Variants in CLCN4 observed in about 807,000 individuals in gnomAD.
The protein encoded by CLCN4 is H(+)/Cl(-) exchange transporter 4.
In CLCN4, 1 loss-of-function variant was observed where a neutral mutation model predicts 41.7. The ratio of observed to expected loss-of-function variants is 0.02; its 90% CI spans 0.01 to 0.11. The LOEUF (loss-of-function observed/expected upper bound fraction) is 0.11, where lower values mean the gene tolerates loss of function less well. CLCN4 is among the 10% of genes least tolerant of loss of function. The probability of loss-of-function intolerance (pLI) is 1.00; values close to 1 mark genes in which losing one functional copy is unlikely to be tolerated. For synonymous variants in CLCN4, 277 were observed against 285.8 expected (o/e 0.97, Z 0.31); for missense variants, 287 against 661.0 (o/e 0.43, Z 6.20).
intron 12 of CLCN4, among the ~76,000 whole-genome samples, chrX:10,222,101 G>C (rs2239431): frequency 0.42 from 46,472 of 111,916 alleles, 7,147 homozygotes; most frequent in East Asian, 0.89. Flanking sequence ...CATGATTGGA[G>C]AATGGAGAGA....
At chrX:10,211,265 CAAAAAAAAA>C (rs71774120) in intron 9 of CLCN4, among the ~76,000 whole-genome samples, 1 of 48,808 alleles carries the variant, frequency 2.0e-5, no homozygotes, top group Admixed American at 3.6e-4. Context: ...GATTCCGTCT[CAAAAAAAAA>C]AAAAAAAAAA....
chrX:10,211,815 C>G (rs924292302), intron 9 of CLCN4, among the ~76,000 whole-genome samples: 1 of 112,204 alleles, frequency 8.9e-6, no homozygotes, highest in Non-Finnish European at 1.9e-5. Flanking sequence ...ACCAAGATCT[C>G]TTAGTTTACA....
rs2106801 is a variant in CLCN4 at position 10,194,954 on chromosome X, G to A, written c.288G>A (p.Thr96=). Residue 96 remains threonine (T), a synonymous_variant, in exon 5 of 13, where the codon ACG becomes ACA. Transcript: ENST00000380833. ...GVIDLAVDWM[T]DLKEGVCLSA... Reference sequence around the variant, plus strand: ...TCGATCTCGCCGTGGACTGGATGACGGACCTGAAGGAGGGGGTCTGCCTGT... The same window carrying A: ...TCGATCTCGCCGTGGACTGGATGACAGACCTGAAGGAGGGGGTCTGCCTGT... The A allele has an allele frequency of 1.4e-3, 1,696 of 1,209,488 alleles. 10 individuals carry two copies. The African/African-American group carries it at 0.026, about 19-fold the overall frequency.
At position 10,220,656 on chromosome X, in the gene CLCN4, T is replaced by C; in HGVS notation, c.1976-5T>C. On this transcript the variant is annotated splice_region_variant and splice_polypyrimidine_tract_variant and intron_variant, in intron 11 of 12. Transcript: ENST00000380833. ...GGCTCATTGTTCCTGCTCACCCCAT[T>C]CTAGAGAACGCCAGACAGAGGCAGG... is the stretch of plus-strand genomic sequence containing the variant. 8.3e-7 allele frequency: 1 copy of C among 1,206,348 alleles called. No homozygotes were observed. Among genetic ancestry groups the C allele is most frequent in the Middle Eastern group, 2.3e-4 (1 of 4,346 alleles).
chrX:10,219,800 G>A (rs1184455974), intron 11 of CLCN4, among the ~76,000 whole-genome samples: 2 of 112,423 alleles, frequency 1.8e-5, no homozygotes, highest in East Asian at 5.6e-4. Context: ...TGAACCAAAA[G>A]AAAGATTAAA....
chrX:10,169,728 T>C lies in CLCN4; in HGVS notation c.-12+11177T>C, dbSNP rs956168028. Among the ~76,000 whole-genome samples, 9 of 111,008 alleles carry C rather than the reference T, an allele frequency of 8.1e-5. No homozygotes were observed. The East Asian group carries it at 8.4e-4, about 10-fold the overall frequency. On this transcript the variant is annotated intron_variant, in intron 2 of 12. Transcript: ENST00000380833. ...TCAGGCTGGCCTACATAGCCTTTTG[T>C]TCTCTGTACATGTACAGATAAAAAT... is the stretch of plus-strand genomic sequence containing the variant.
rs1924188177 is a variant in CLCN4 at position 10,199,720 on chromosome X, G to A, written c.555+1659G>A. On this transcript the variant is annotated intron_variant, in intron 6 of 12. Transcript: ENST00000380833. The stretch of plus-strand genomic sequence containing the variant: ...ACATGAGTGGCATTGGAACAAATTT[G>A]CATTTTCTTTTTTTCTTTTTCCTTT... Among the ~76,000 whole-genome samples the A allele has an allele frequency of 2.7e-5, 3 of 111,929 alleles. No individual in the cohort carries two copies. In the Admixed American group the frequency reaches 2.8e-4, roughly 11 times the overall value.
intron 4 of CLCN4, among the ~76,000 whole-genome samples, chrX:10,189,642 A>G (rs919068033): frequency 8.9e-6 from 1 of 112,008 alleles, no homozygotes; most frequent in African/African-American, 3.3e-5. Context: ...GCCACGTCCC[A>G]CTCACTTCCC....
At position 10,208,218 on chromosome X, in the gene CLCN4, G is replaced by A; in HGVS notation, c.1017G>A (p.Gly339=). 8.3e-7 allele frequency: 1 copy of A among 1,211,136 alleles called. No individual in the cohort carries two copies. The highest frequency in any genetic ancestry group is 1.7e-5 in the African/African-American group (1 of 57,586). The change falls in exon 9 of 13, where the codon GGG becomes GGA. Residue 339 remains glycine (G), a synonymous_variant. Transcript: ENST00000380833. Reference sequence around the variant, plus strand: ...AACTCTTCCCCTTCATCCTGCTTGGGGTCTTCGGGGGCTTGTGGGGAACCC... The same window carrying A: ...AACTCTTCCCCTTCATCCTGCTTGGAGTCTTCGGGGGCTTGTGGGGAACCC... ...MAELFPFILL[G]VFGGLWGTLF...
At chrX:10,178,169 G>A in intron 2 of CLCN4, among the ~76,000 whole-genome samples, 1 of 103,617 alleles carries the variant, frequency 9.7e-6, no homozygotes, top group Non-Finnish European at 2.0e-5. Flanking sequence ...TGGGTAGGGG[G>A]TCATTTTTAG....
intron 6 of CLCN4, among the ~76,000 whole-genome samples, chrX:10,205,479 A>AG (rs1904335327): frequency 1.9e-5 from 2 of 107,244 alleles, no homozygotes; most frequent in South Asian, 7.8e-4. Context: ...TCTCAAAAAA[A>AG]AAAAAAAAAA....
At chrX:10,229,794 T>C (rs1925081041) in intron 12 of CLCN4, among the ~76,000 whole-genome samples, 1 of 112,173 alleles carries the variant, frequency 8.9e-6, no homozygotes, top group African/African-American at 3.2e-5. Context: ...TAGTCTATCA[T>C]TGTTGGACAT....
chrX:10,233,459 G>A (rs1352818418), intron 12 of CLCN4, 35 bp from the exon 13 acceptor site: 1 of 1,074,586 alleles, frequency 9.3e-7, no homozygotes, highest in Non-Finnish European at 1.3e-6. Context: ...TCGTTTCAAG[G>A]CTGACCTCTT....
intron 11 of CLCN4, among the ~76,000 whole-genome samples, chrX:10,217,156 A>G (rs1167514671): frequency 9.2e-6 from 1 of 108,563 alleles, no homozygotes; most frequent in African/African-American, 3.4e-5. Flanking sequence ...GCTGGAGTGC[A>G]GTGGCGCGAT....
At chrX:10,180,455 C>T (rs2147165139) in intron 2 of CLCN4, among the ~76,000 whole-genome samples, 1 of 111,240 alleles carries the variant, frequency 9.0e-6, no homozygotes, top group East Asian at 2.8e-4. Context: ...CTTTGGGGCC[C>T]AGAGCCTCTG....
chrX:10,237,438 G>A lies in CLCN4; in HGVS notation c.*3854G>A, dbSNP rs1216512926. ...AAGCAGACCCTATTTTCACTGGCGC[G>A]GTAATAACTATTTATTTGCTATCCT... On this transcript the variant is annotated 3_prime_UTR_variant, in exon 13 of 13. Coordinates refer to ENST00000380833, the MANE Select transcript of CLCN4 (RefSeq NM_001830.4). The A allele has an allele frequency of 9.0e-6, 1 of 111,511 alleles. No homozygotes were observed. Among genetic ancestry groups the A allele is most frequent in the Non-Finnish European group, 1.9e-5 (1 of 53,142 alleles). The allele number at this position is 111,511 out of a possible 1,213,427, so 9.2% of individuals were successfully genotyped here.
At chrX:10,197,839 T>A in intron 5 of CLCN4, 100 bp from the exon 6 acceptor site, 1 of 1,078,632 alleles carries the variant, frequency 9.3e-7, no homozygotes, top group Non-Finnish European at 1.3e-6. Flanking sequence ...CCCAATCCCG[T>A]CAAAGCTTTT....
chrX:10,220,634 T>C, intron 11 of CLCN4, 27 bp from the exon 12 acceptor site: 1 of 1,154,622 alleles, frequency 8.7e-7, no homozygotes, highest in Non-Finnish European at 1.2e-6. Flanking sequence ...TTTGTGTGGC[T>C]CATTGTTCCT....
At chrX:10,205,565 TAGTC>T (rs1312808282) in intron 6 of CLCN4, among the ~76,000 whole-genome samples, 11 of 106,576 alleles carry the variant, frequency 1.0e-4, no homozygotes, top group Non-Finnish European at 1.7e-4. Flanking sequence ...TAACCCAAAA[TAGTC>T]AGTTTGCCAG....
Sources: allele counts gnomAD v4.1 joint callset (sites outside exome capture counted in the v4.1 genomes callset), GRCh38; gene constraint gnomAD v4.1.1; transcripts MANE v1.5; gene names NCBI Gene and HGNC (gene_info 2026-07-23, HGNC 2026-07-21).